The following LHFPL4 variants were observed in gnomAD, a reference collection of about 807,000 sequenced individuals.
LHFPL4 encodes LHFPL tetraspan subfamily member 4.
In LHFPL4, 6 loss-of-function variants were observed where a neutral mutation model predicts 20.0. The observed-to-expected ratio is 0.30, with a 90% CI of 0.16 to 0.59. The LOEUF (loss-of-function observed/expected upper bound fraction) is 0.59. Among genes scored for constraint, LHFPL4 ranks in the 20% least tolerant of loss-of-function variants. LHFPL4 has a pLI of 0.88. For missense variants in LHFPL4, 215 were observed against 331.2 expected (o/e 0.65, Z 2.72); for synonymous variants, 129 against 143.8 (o/e 0.90, Z 0.74).
chr3:9,504,960 C>T (rs1374555575), intron 3 of LHFPL4, among the ~76,000 whole-genome samples: 1 of 151,476 alleles, frequency 6.6e-6, no homozygotes, highest in African/African-American at 2.4e-5. Context: ...CCTCTCTCAA[C>T]ATTATATTAC....
intron 2 of LHFPL4, among the ~76,000 whole-genome samples, chr3:9,513,801 C>A (rs889945897): frequency 2.0e-5 from 3 of 152,160 alleles, no homozygotes; most frequent in Non-Finnish European, 4.4e-5. Context: ...CTTGGTGATA[C>A]CTGCTTCTCA....
chr3:9,510,995 C>A (rs114363784), intron 2 of LHFPL4, among the ~76,000 whole-genome samples: 3,253 of 151,392 alleles, frequency 0.021, 119 homozygotes, highest in African/African-American at 0.075. Context: ...GTGATGAGTG[C>A]TTAACTATGT....
In LHFPL4 at chr3:9,523,535, C is replaced by T. The variant is rs150991703; in HGVS notation, c.407-17332G>A. 2.5e-3 allele frequency among the ~76,000 whole-genome samples: 373 copies of T among 151,388 alleles called. 3 individuals carry two copies. The highest frequency in any genetic ancestry group is 8.1e-3 in the African/African-American group (335 of 41,302). The stretch of plus-strand genomic sequence containing the variant: ...TCCGCCAGGCTGGAATGCAGTGGTG[C>T]GATTTCAGCTCACTGCAACCTCCGC... On this transcript the variant is annotated intron_variant, in intron 2 of 3. Coordinates refer to ENST00000287585, the MANE Select transcript of LHFPL4 (RefSeq NM_198560.3).
At position 9,506,282 on chromosome 3, in the gene LHFPL4, T is replaced by G; in HGVS notation, c.407-79A>C. 2 of 1,160,898 alleles carry G rather than the reference T, an allele frequency of 1.7e-6. No individual in the cohort carries two copies. The highest frequency in any genetic ancestry group is 2.6e-6 in the Non-Finnish European group (2 of 781,242). 71.9% of individuals were successfully genotyped at this position (1,160,898 alleles called of 1,614,324 possible). ...CCATTACTCGCTAGTGTCCGCAGTC[T>G]GGGCCCCACCCTATTGAGGGCACAT... is the stretch of plus-strand genomic sequence containing the variant. On this transcript the variant is annotated intron_variant, in intron 2 of 3. Coordinates refer to ENST00000287585, the MANE Select transcript of LHFPL4 (RefSeq NM_198560.3). This position sits in a 1 kb window ranked among gnomAD's most constrained non-coding sequence, Gnocchi z 4.5.
Position 9,506,650 on chromosome 3 carries a change from G to A in LHFPL4, c.407-447C>T, listed in dbSNP as rs1197639941. ...GGGTGGAGTGCAATGGCGTGATCTC[G>A]GCTCACTGTAACCTCCACCTCCCGG... On this transcript the variant is annotated intron_variant, in intron 2 of 3. Coordinates refer to ENST00000287585, the MANE Select transcript of LHFPL4 (RefSeq NM_198560.3). The surrounding 1 kb of genome is among the most constrained non-coding windows in gnomAD (Gnocchi z 4.5). 1.6e-5 allele frequency among the ~76,000 whole-genome samples: 2 copies of A among 127,654 alleles called. No individual in the cohort carries two copies. The highest frequency in any genetic ancestry group is 3.7e-3 in the Middle Eastern group (1 of 272). 83.7% of individuals were successfully genotyped at this position (127,654 alleles called of 152,430 possible).
chr3:9,551,550 G>T (rs1307289687), intron 2 of LHFPL4, among the ~76,000 whole-genome samples: 2 of 152,158 alleles, frequency 1.3e-5, no homozygotes, highest in Non-Finnish European at 2.9e-5. Flanking sequence ...GACTGTCTTG[G>T]TCAAACATTT....
chr3:9,525,573 T>A (rs570420794), intron 2 of LHFPL4, among the ~76,000 whole-genome samples: 1 of 152,206 alleles, frequency 6.6e-6, no homozygotes, highest in Non-Finnish European at 1.5e-5. Flanking sequence ...GCTTCTTACA[T>A]CCCTGACCAG....
intron 2 of LHFPL4, among the ~76,000 whole-genome samples, chr3:9,534,994 G>A (rs185939998): frequency 1.3e-5 from 2 of 152,046 alleles, no homozygotes; most frequent in African/African-American, 4.8e-5. Context: ...AGCAAGGGGA[G>A]GAGAAGGAGG....
At chr3:9,532,187 A>G (rs2046413759) in intron 2 of LHFPL4, among the ~76,000 whole-genome samples, 1 of 151,998 alleles carries the variant, frequency 6.6e-6, no homozygotes, top group African/African-American at 2.4e-5. Context: ...CACTACACCC[A>G]GCTAATTTTC....
intron 2 of LHFPL4, among the ~76,000 whole-genome samples, chr3:9,533,041 G>A (rs1049824191): frequency 2.0e-5 from 3 of 152,202 alleles, no homozygotes; most frequent in Non-Finnish European, 4.4e-5. Context: ...TGTCCCCTGT[G>A]TGCTAGGACC....
At chr3:9,505,004 G>T (rs561287724) in intron 3 of LHFPL4, among the ~76,000 whole-genome samples, 6 of 151,614 alleles carry the variant, frequency 4.0e-5, no homozygotes, top group African/African-American at 1.5e-4. Flanking sequence ...TATAACTGAA[G>T]TGTGACATTT....
At chr3:9,544,972 T>C (rs1431230244) in intron 2 of LHFPL4, among the ~76,000 whole-genome samples, 2 of 152,194 alleles carry the variant, frequency 1.3e-5, no homozygotes, top group African/African-American at 4.8e-5. Context: ...GATCTGTTTT[T>C]GTTCCTGCCT....
At position 9,501,751 on chromosome 3, in the gene LHFPL4, AG is replaced by A. The variant is rs2046176675; in HGVS notation, c.*459del. ...TCAGCCAAAAAAGAAAAAAAAAAAA[AG>A]TAGGAAAGAGTCCAGCCCACCCTGG... is the stretch of plus-strand genomic sequence containing the variant. On this transcript the variant is annotated 3_prime_UTR_variant, in exon 4 of 4. Coordinates refer to ENST00000287585, the MANE Select transcript of LHFPL4 (RefSeq NM_198560.3). The A allele has an allele frequency of 6.5e-6, 1 of 153,898 alleles. No homozygotes were observed. The highest frequency in any genetic ancestry group is 1.4e-5 in the Non-Finnish European group (1 of 69,552). 9.5% of individuals were successfully genotyped at this position (153,898 alleles called of 1,614,324 possible). A position where few individuals can be genotyped will look rare whatever the true frequency, so the allele number is the denominator to read the frequency against.
At chr3:9,547,442 C>A (rs1372526588) in intron 2 of LHFPL4, among the ~76,000 whole-genome samples, 1 of 152,204 alleles carries the variant, frequency 6.6e-6, no homozygotes, top group African/African-American at 2.4e-5. Flanking sequence ...GAGATTATAG[C>A]TCTGTAATTT....
At position 9,502,042 on chromosome 3, in the gene LHFPL4, C is replaced by T. The variant is rs2046180270; in HGVS notation, c.*169G>A. Reference sequence around the variant, plus strand: ...GGTTTGGAGGGCCTCTCCTCTCCCCCAGGCCACATCCAGGCTTTCCTCTCC... The same window carrying T: ...GGTTTGGAGGGCCTCTCCTCTCCCCTAGGCCACATCCAGGCTTTCCTCTCC... On this transcript the variant is annotated 3_prime_UTR_variant, in exon 4 of 4. Transcript: ENST00000287585. 4.8e-6 allele frequency: 3 copies of T among 629,730 alleles called. No individual in the cohort carries two copies. The highest frequency in any genetic ancestry group is 8.6e-6 in the Non-Finnish European group (3 of 347,076). The allele number at this position is 629,730 out of a possible 1,614,324, so 39.0% of individuals were successfully genotyped here.
intron 2 of LHFPL4, among the ~76,000 whole-genome samples, chr3:9,536,420 T>G (rs1240042269): frequency 6.6e-6 from 1 of 152,102 alleles, no homozygotes; most frequent in African/African-American, 2.4e-5. Flanking sequence ...CTGGGAGGTA[T>G]CCTAGATCCT....
chr3:9,505,479 A>G (rs1268779981), intron 3 of LHFPL4, among the ~76,000 whole-genome samples: 1 of 151,188 alleles, frequency 6.6e-6, no homozygotes, highest in Non-Finnish European at 1.5e-5. Context: ...TTTTTGAGAC[A>G]GAGTCTCGCT....
chr3:9,522,810 G>C (rs911903368), intron 2 of LHFPL4, among the ~76,000 whole-genome samples: 3 of 151,756 alleles, frequency 2.0e-5, no homozygotes, highest in African/African-American at 7.2e-5. Context: ...GGGAGGACAA[G>C]GTGGGTGGAT....
At chr3:9,543,588 C>A (rs1261912924) in intron 2 of LHFPL4, among the ~76,000 whole-genome samples, 1 of 152,144 alleles carries the variant, frequency 6.6e-6, no homozygotes, top group East Asian at 1.9e-4. Flanking sequence ...TTGGTTGCAA[C>A]TTCATGAGAG....
Sources: gnomAD v4.1 joint callset for allele counts (sites outside exome capture counted in the v4.1 genomes callset) on GRCh38, gnomAD v4.1.1 for gene constraint, Gnocchi (gnomAD v3.1) non-coding constraint, MANE v1.5 for transcripts, NCBI Gene and HGNC (gene_info 2026-07-23, HGNC 2026-07-21) for gene names.